The following OASL variants were observed in gnomAD, a reference collection of about 807,000 sequenced individuals.
OASL encodes the protein 2'-5'-oligoadenylate synthase-like protein.
OASL carries 28 observed loss-of-function variants against 35.3 expected under a neutral mutation model. The observed-to-expected ratio is 0.79, with a 90% CI of 0.59 to 1.09. OASL has a LOEUF of 1.09. Ranked by LOEUF, OASL falls within the 50% of genes least tolerant of loss-of-function variation. OASL has a pLI of 0.00. For synonymous variants in OASL, 252 were observed against 254.6 expected (o/e 0.99, Z 0.10); for missense variants, 620 against 635.2 (o/e 0.98, Z 0.26).
chr12:121,033,703 C>G (rs1869841906), exon 2 of OASL: 1 of 1,613,868 alleles, frequency 6.2e-7, no homozygotes, highest in Non-Finnish European at 8.5e-7. Context: ...CTCCACCTCT[C>G]TGGTGCTCCT....
At chr12:121,019,602 C>A (rs1168308710) in exon 6 of OASL, 1 of 152,088 alleles carries the variant, frequency 6.6e-6, no homozygotes, top group Non-Finnish European at 1.5e-5. Flanking sequence ...GTCCTCATTT[C>A]TTAGAGTTGA....
exon 3 of OASL, chr12:121,031,602 T>C (rs1240339911): frequency 9.9e-6 from 16 of 1,612,508 alleles, no homozygotes; most frequent in Non-Finnish European, 1.4e-5. Context: ...TGGCTGGGAG[T>C]TGGGAAGAGA....
chr12:121,031,698 C>A (rs899968130), intron 2 of OASL, 81 bp from the exon 3 acceptor site: 2 of 1,241,882 alleles, frequency 1.6e-6, no homozygotes, highest in Non-Finnish European at 2.3e-6. Context: ...GGAGAGCCTG[C>A]CTTTACATTG....
chr12:121,036,645 G>T (rs118021403), intron 1 of OASL, among the ~76,000 whole-genome samples: 1 of 152,048 alleles, frequency 6.6e-6, no homozygotes, highest in Non-Finnish European at 1.5e-5. Context: ...TTAGCCAGGC[G>T]TGGTGGAACA....
At chr12:121,024,584 C>T (rs1869403005) in intron 4 of OASL, among the ~76,000 whole-genome samples, 1 of 151,974 alleles carries the variant, frequency 6.6e-6, no homozygotes, top group East Asian at 1.9e-4. Context: ...TGCCACCACC[C>T]TCCAGCCTGG....
exon 6 of OASL, chr12:121,019,515 G>C (rs191141611): frequency 6.6e-6 from 1 of 152,206 alleles, no homozygotes; most frequent in Non-Finnish European, 1.5e-5. Flanking sequence ...TGGGTTTTAG[G>C]AGTTGAGGTG....
At chr12:121,022,988 C>T (rs1869309536) in intron 5 of OASL, among the ~76,000 whole-genome samples, 1 of 152,256 alleles carries the variant, frequency 6.6e-6, no homozygotes. Flanking sequence ...AGTGATAACA[C>T]TCGACCTTCT....
At chr12:121,022,013 G>A (rs1869256986) in intron 5 of OASL, among the ~76,000 whole-genome samples, 1 of 151,366 alleles carries the variant, frequency 6.6e-6, no homozygotes, top group African/African-American at 2.4e-5. Context: ...AAGCTGAAGC[G>A]ATCCTCCCGC....
In OASL at chr12:121,027,564, G is replaced by C; in HGVS notation, c.899+12C>G. ...TTCTGTAAGATTTGGTGGGCAAACA[G>C]TGGTCCAGTACCTCTCTTTTTTGAG... On this transcript the variant is annotated intron_variant, in intron 4 of 5. Coordinates refer to ENST00000257570, the Ensembl canonical transcript of OASL. The C allele has an allele frequency of 6.2e-7, 1 of 1,612,654 alleles. No individual in the cohort carries two copies. The highest frequency in any genetic ancestry group is 1.7e-4 in the Middle Eastern group (1 of 6,056).
rs1169863304 is a variant in OASL at position 121,038,905 on chromosome 12, GCC to G, written c.65_66del (p.Trp22SerfsTer150). On this transcript the variant is annotated frameshift_variant, in exon 1 of 6. Coordinates refer to ENST00000257570, the Ensembl canonical transcript of OASL. LOFTEE classifies it high-confidence loss of function. ...TCCTTCCACTCCCGGTGGGGCTGCA[GCC>G]ACTGAGCCACGAAGGAGTCCAGCCT... is the stretch of plus-strand genomic sequence containing the variant. The G allele has an allele frequency of 4.3e-6, 7 of 1,614,130 alleles. No homozygotes were observed. Among genetic ancestry groups the G allele is most frequent in the Non-Finnish European group, 5.9e-6 (7 of 1,179,998 alleles).
At position 121,037,036 on chromosome 12, in the gene OASL, A is replaced by AT. The variant is rs1383070200; in HGVS notation, c.198+1737dup. Among the ~76,000 whole-genome samples the AT allele has an allele frequency of 4.6e-5, 7 of 152,212 alleles. No individual in the cohort carries two copies. The East Asian group carries it at 1.2e-3, about 25-fold the overall frequency. On this transcript the variant is annotated intron_variant, in intron 1 of 5. Coordinates refer to ENST00000257570, the Ensembl canonical transcript of OASL. ...AAAATTTGTGGTTTCTCACTTATAA[A>AT]TTGTATGGCCTCAGGCTTCATATGC...
chr12:121,026,630 T>A (rs1252561066), intron 4 of OASL, among the ~76,000 whole-genome samples: 1 of 152,138 alleles, frequency 6.6e-6, no homozygotes, highest in Non-Finnish European at 1.5e-5. Context: ...GGCAGGCGCA[T>A]CACCTGAGGT....
At chr12:121,024,082 A>G (rs1447302396) in exon 5 of OASL, 1 of 1,614,118 alleles carries the variant, frequency 6.2e-7, no homozygotes, top group Non-Finnish European at 8.5e-7. Flanking sequence ...ACGATGTCCC[A>G]TCTGTACCCT....
At chr12:121,023,858 G>T (rs998908705) in intron 5 of OASL, 132 bp downstream of exon 5, 1 of 1,055,534 alleles carries the variant, frequency 9.5e-7, no homozygotes. Context: ...CCCATGGGTG[G>T]TGCAGCTGGC....
exon 3 of OASL, chr12:121,031,615 G>A (rs763754810): frequency 6.2e-7 from 1 of 1,610,502 alleles, no homozygotes; most frequent in South Asian, 1.1e-5. Flanking sequence ...GGAAGAGAAG[G>A]CCCTGAGGAG....
At chr12:121,028,590 C>G (rs1869587999) in intron 3 of OASL, among the ~76,000 whole-genome samples, 1 of 152,090 alleles carries the variant, frequency 6.6e-6, no homozygotes. Flanking sequence ...GAAACAGAGC[C>G]AGTGCCCTCA....
chr12:121,034,693 T>C (rs1046928089), intron 1 of OASL, among the ~76,000 whole-genome samples: 4 of 152,154 alleles, frequency 2.6e-5, no homozygotes, highest in African/African-American at 9.7e-5. Context: ...GGGTAAACAT[T>C]CTGACTCCTG....
At chr12:121,020,952 C>G in exon 6 of OASL, 3 of 1,614,168 alleles carry the variant, frequency 1.9e-6, no homozygotes, top group Non-Finnish European at 1.7e-6. Flanking sequence ...GCCCCTGGTC[C>G]TCCGGATTTT....
At chr12:121,023,643 C>T (rs931145216) in intron 5 of OASL, 6 of 210,682 alleles carry the variant, frequency 2.8e-5, no homozygotes, top group Admixed American at 2.1e-4. Flanking sequence ...CAGCCCACAT[C>T]CCCTACCCCA....
Sources: gnomAD v4.1 joint callset for allele counts (sites outside exome capture counted in the v4.1 genomes callset) on GRCh38, gnomAD v4.1.1 for gene constraint, MANE v1.5 for transcripts, NCBI Gene and HGNC (gene_info 2026-07-23, HGNC 2026-07-21) for gene names.